The following LRBA variants were observed in gnomAD, a reference collection of about 807,000 sequenced individuals.
LRBA encodes the protein LPS responsive beige-like anchor protein, also known as lipopolysaccharide-responsive and beige-like anchor protein.
LRBA carries 176 observed loss-of-function variants against 330.0 expected under a neutral mutation model. The observed-to-expected ratio is 0.53, with a 90% CI of 0.47 to 0.60. The LOEUF (loss-of-function observed/expected upper bound fraction) is 0.60, where lower values mean the gene tolerates loss of function less well. LRBA is among the 20% of genes least tolerant of loss of function. The probability of loss-of-function intolerance (pLI) is 0.00; values close to 1 mark genes in which losing one functional copy is unlikely to be tolerated. For synonymous variants in LRBA, 1,230 were observed against 1,193.0 expected (o/e 1.03, Z -0.64); for missense variants, 3,259 against 3,444.8 (o/e 0.95, Z 1.35).
rs144220044 is a variant in LRBA, at chr4:150,421,893, A to G, written c.7042-6303T>C. Reference sequence around the variant, plus strand: ...TGGATCCTCCAGGGAAATAAGGGGGAAAAAAAATGACTTTTCCTGCTTTCA... The same window carrying G: ...TGGATCCTCCAGGGAAATAAGGGGGGAAAAAAATGACTTTTCCTGCTTTCA... On this transcript the variant is annotated intron_variant, in intron 46 of 56. Coordinates refer to ENST00000651943, the MANE Select transcript of LRBA (RefSeq NM_001364905.1). 2.7e-3 allele frequency among the ~76,000 whole-genome samples: 401 copies of G among 151,234 alleles called. 1 individual carries two copies. The highest frequency in any genetic ancestry group is 7.5e-3 in the African/African-American group (309 of 40,964).
intron 2 of LRBA, among the ~76,000 whole-genome samples, chr4:150,960,849 G>C (rs369103654): frequency 6.7e-6 from 1 of 149,294 alleles, no homozygotes; most frequent in Admixed American, 6.6e-5. Context: ...AAAATTAGTA[G>C]TTTCAGTTTT....
At chr4:150,533,870 G>C (rs116054085) in intron 40 of LRBA, among the ~76,000 whole-genome samples, 2,451 of 152,206 alleles carry the variant, frequency 0.016, 70 homozygotes, top group African/African-American at 0.054. Context: ...TGGCTGATAA[G>C]TCAATCTCCA....
intron 37 of LRBA, among the ~76,000 whole-genome samples, chr4:150,640,338 C>G (rs1778556286): frequency 6.6e-6 from 1 of 152,066 alleles, no homozygotes; most frequent in Non-Finnish European, 1.5e-5. Flanking sequence ...TGATTTGTAC[C>G]TGTCACATTC....
intron 40 of LRBA, among the ~76,000 whole-genome samples, chr4:150,558,054 T>C (rs557350791): frequency 2.0e-5 from 3 of 152,214 alleles, no homozygotes; most frequent in South Asian, 4.1e-4. Context: ...CATACCACCA[T>C]AACCAGCTAA....
chr4:150,327,130 T>C (rs765396650), intron 48 of LRBA, among the ~76,000 whole-genome samples: 4 of 152,148 alleles, frequency 2.6e-5, no homozygotes, highest in Non-Finnish European at 5.9e-5. Flanking sequence ...GAACTTTATA[T>C]CTTTTTGAAG....
At chr4:150,577,040 C>T (rs1027288988) in intron 40 of LRBA, among the ~76,000 whole-genome samples, 8 of 151,958 alleles carry the variant, frequency 5.3e-5, no homozygotes, top group African/African-American at 1.7e-4. Flanking sequence ...GTGAACTGTT[C>T]AAGGCAAACA....
intron 33 of LRBA, among the ~76,000 whole-genome samples, chr4:150,805,162 T>C (rs1578836807): frequency 8.1e-6 from 1 of 124,058 alleles, no homozygotes. Context: ...CAATGCTCCA[T>C]GCGCAAAAAG....
intron 37 of LRBA, among the ~76,000 whole-genome samples, chr4:150,662,938 G>C (rs1007441159): frequency 5.3e-5 from 8 of 152,060 alleles, no homozygotes; most frequent in African/African-American, 1.7e-4. Context: ...ACCTGGGTGA[G>C]AGAGTGAGAC....
At chr4:150,489,064 TA>T (rs1561249047) in intron 41 of LRBA, among the ~76,000 whole-genome samples, 1 of 97,820 alleles carries the variant, frequency 1.0e-5, no homozygotes, top group East Asian at 3.1e-4. Flanking sequence ...TAAGAATATA[TA>T]ATATATTATA....
chr4:150,651,117 GC>G (rs1779665423), intron 37 of LRBA, among the ~76,000 whole-genome samples: 1 of 151,998 alleles, frequency 6.6e-6, no homozygotes, highest in Admixed American at 6.6e-5. Flanking sequence ...AAAATTATAT[GC>G]TAATTATTAT....
chr4:150,279,395 CAG>C (rs1338981541), intron 55 of LRBA, among the ~76,000 whole-genome samples: 1 of 152,154 alleles, frequency 6.6e-6, no homozygotes, highest in African/African-American at 2.4e-5. Flanking sequence ...TGGATGGCAT[CAG>C]AGTTTTAAAG....
intron 36 of LRBA, among the ~76,000 whole-genome samples, chr4:150,725,886 T>C (rs908284111): frequency 6.6e-5 from 10 of 152,210 alleles, no homozygotes; most frequent in African/African-American, 2.4e-4. Context: ...TGTGTGTTTG[T>C]TTCTTTATGC....
At chr4:150,496,238 T>C (rs1018476920) in intron 40 of LRBA, among the ~76,000 whole-genome samples, 3 of 152,152 alleles carry the variant, frequency 2.0e-5, no homozygotes, top group African/African-American at 7.2e-5. Flanking sequence ...TGCTTCACTT[T>C]GTTGCACTTA....
At position 150,352,116 on chromosome 4, in the gene LRBA, T is replaced by C. The variant is rs188539908; in HGVS notation, c.7195-1957A>G. ...AATGTATCTCATTGAAATTGATTTT[T>C]ATTTTTAGAGTAGTAAGTCTATGAT... On this transcript the variant is annotated intron_variant, in intron 47 of 56. Coordinates refer to ENST00000651943, the MANE Select transcript of LRBA (RefSeq NM_001364905.1). 1.3e-3 allele frequency among the ~76,000 whole-genome samples: 204 copies of C among 152,342 alleles called. 4 individuals are homozygous for C. Among genetic ancestry groups the C allele is most frequent in the African/African-American group, 4.8e-3 (200 of 41,582 alleles).
At chr4:150,304,205 ACTT>A (rs1368343523) in intron 52 of LRBA, among the ~76,000 whole-genome samples, 24 of 152,306 alleles carry the variant, frequency 1.6e-4, no homozygotes, top group African/African-American at 5.8e-4. Flanking sequence ...TACATTGTAA[ACTT>A]CTTAAAAGGT....
intron 11 of LRBA, 125 bp from the exon 12 acceptor site, chr4:150,906,530 C>G (rs1217288733): frequency 5.3e-6 from 3 of 561,626 alleles, no homozygotes; most frequent in East Asian, 5.8e-5. Context: ...AATTGAAGCT[C>G]CACTAAAACT....
chr4:150,557,185 T>G (rs1767437068), intron 40 of LRBA, among the ~76,000 whole-genome samples: 1 of 152,120 alleles, frequency 6.6e-6, no homozygotes. Flanking sequence ...AGAACAAGCT[T>G]GAAAGGCTTC....
chr4:150,430,064 A>G (rs572681789), intron 46 of LRBA, among the ~76,000 whole-genome samples: 62 of 152,108 alleles, frequency 4.1e-4, no homozygotes, highest in Non-Finnish European at 7.6e-4. Flanking sequence ...TCTGTGCTAT[A>G]TATATATGCC....
In LRBA at chr4:150,350,173, T is replaced by C; in HGVS notation, c.7195-14A>G. The C allele has an allele frequency of 6.6e-7, 1 of 1,519,474 alleles. No homozygotes were observed. The highest frequency in any genetic ancestry group is 1.3e-5 in the South Asian group (1 of 76,082). 94.1% of individuals were successfully genotyped at this position (1,519,474 alleles called of 1,614,324 possible). Reference sequence around the variant, plus strand: ...ACTCTCCAGGGCCTGAAAAAAGGTATACATTGTATTACTATGCTGAATTCC... The same window carrying C: ...ACTCTCCAGGGCCTGAAAAAAGGTACACATTGTATTACTATGCTGAATTCC... On this transcript the variant is annotated splice_polypyrimidine_tract_variant and intron_variant, in intron 47 of 56. Transcript: ENST00000651943.
Sources: gnomAD v4.1 joint callset for allele counts (sites outside exome capture counted in the v4.1 genomes callset) on GRCh38, gnomAD v4.1.1 for gene constraint, MANE v1.5 for transcripts, NCBI Gene and HGNC (gene_info 2026-07-23, HGNC 2026-07-21) for gene names.